PIK3R2: variants seen among roughly 807,000 people sequenced by gnomAD.
PIK3R2 encodes the protein phosphatidylinositol 3-kinase regulatory subunit beta.
PIK3R2 carries 40 observed loss-of-function variants against 78.5 expected under a neutral mutation model. That is an observed-to-expected ratio of 0.51 (90% CI 0.40 to 0.66). The LOEUF is 0.66. Among genes scored for constraint, PIK3R2 ranks in the 30% least tolerant of loss-of-function variants. The probability of loss-of-function intolerance (pLI) is 0.00; values close to 1 mark genes in which losing one functional copy is unlikely to be tolerated. For missense variants in PIK3R2, 880 were observed against 1,026.6 expected, an observed-to-expected ratio of 0.86 and a Z score of 1.95; for synonymous variants, 473 against 457.7, an observed-to-expected ratio of 1.03 and a Z score of -0.43.
chr19:18,166,877 G>A lies in PIK3R2; in HGVS notation c.1560-253G>A, dbSNP rs140123879. Among the ~76,000 whole-genome samples the A allele has an allele frequency of 2.6e-4, 39 of 152,142 alleles. No individual in the cohort carries two copies. The East Asian group carries it at 6.2e-3, about 24-fold the overall frequency. Reference sequence around the variant, plus strand: ...AGGCCGGGTGCAGTGGCTCATTCCTGCAACCCCAACACTGTGGGAGGCTGA... The same window carrying A: ...AGGCCGGGTGCAGTGGCTCATTCCTACAACCCCAACACTGTGGGAGGCTGA... On this transcript the variant is annotated intron_variant, in intron 12 of 15. Coordinates refer to ENST00000222254, the MANE Select transcript of PIK3R2 (RefSeq NM_005027.4).
chr19:18,153,864 C>A (rs1215062513), intron 1 of PIK3R2, among the ~76,000 whole-genome samples: 1 of 152,216 alleles, frequency 6.6e-6, no homozygotes. Flanking sequence ...GTTTTCTGGG[C>A]ATCCCCTCTC....
rs1020332330 is a variant in PIK3R2 at position 18,161,890 on chromosome 19, C to G, written c.816-76C>G. The G allele has an allele frequency of 1.4e-5, 17 of 1,201,460 alleles. No individual in the cohort carries two copies. The highest frequency in any genetic ancestry group is 2.1e-5 in the Non-Finnish European group (17 of 808,424). The allele number at this position is 1,201,460 out of a possible 1,614,324, so 74.4% of individuals were successfully genotyped here. On this transcript the variant is annotated intron_variant, in intron 6 of 15. Transcript: ENST00000222254. The surrounding 1 kb of genome is among the most constrained non-coding windows in gnomAD (Gnocchi z 5.3). ...TCGTATATACCCCCAGGCGTGCAAGCGCACGCACAATCCTGTGCACATGCG... is the reference window on the plus strand; with the variant it reads ...TCGTATATACCCCCAGGCGTGCAAGGGCACGCACAATCCTGTGCACATGCG...
At chr19:18,160,376 C>T in intron 2 of PIK3R2, 95 bp from the exon 3 acceptor site, 1 of 795,592 alleles carries the variant, frequency 1.3e-6, no homozygotes, top group Non-Finnish European at 2.2e-6. Flanking sequence ...GGCCCTGCCT[C>T]AAACTGCCCC....
chr19:18,160,986 A>G lies in PIK3R2; in HGVS notation c.466+17A>G, dbSNP rs199735460. The G allele has an allele frequency of 1.0e-4, 163 of 1,612,828 alleles. No homozygotes were observed. The highest frequency in any genetic ancestry group is 1.7e-4 in the Middle Eastern group (1 of 6,052). ...CGCGTACAGGTGAAGGGGAGCCTCA[A>G]TGGGGTTGGGAGGAGGCTGGGGGCC... On this transcript the variant is annotated intron_variant, in intron 4 of 15. Transcript: ENST00000222254.
chr19:18,161,240 C>T lies in PIK3R2; in HGVS notation c.599-39C>T. The T allele has an allele frequency of 6.7e-7, 1 of 1,498,650 alleles. No homozygotes were observed. Among genetic ancestry groups the T allele is most frequent in the Non-Finnish European group, 8.9e-7 (1 of 1,128,094 alleles). The allele number at this position is 1,498,650 out of a possible 1,614,324, so 92.8% of individuals were successfully genotyped here. A position where few individuals can be genotyped will look rare whatever the true frequency, so the allele number is the denominator to read the frequency against. The stretch of plus-strand genomic sequence containing the variant: ...AGGGGGCTGTAGCGGGTGGGAGGGC[C>T]CAGGCCTGGCTCACCCTGCCCTGGC... On this transcript the variant is annotated intron_variant, in intron 5 of 15. Coordinates refer to ENST00000222254, the MANE Select transcript of PIK3R2 (RefSeq NM_005027.4). The surrounding 1 kb of genome is among the most constrained non-coding windows in gnomAD (Gnocchi z 5.3).
intron 2 of PIK3R2, among the ~76,000 whole-genome samples, chr19:18,157,947 G>A (rs1243393464): frequency 6.6e-6 from 1 of 152,196 alleles, no homozygotes; most frequent in Non-Finnish European, 1.5e-5. Flanking sequence ...CTGTAGTGCT[G>A]GGAAGCCAGG....
Position 18,156,265 on chromosome 19 carries a change from T to C in PIK3R2, c.322+64T>C. 8.0e-7 allele frequency: 1 copy of C among 1,246,860 alleles called. No individual in the cohort carries two copies. Among genetic ancestry groups the C allele is most frequent in the Non-Finnish European group, 1.1e-6 (1 of 929,932 alleles). The allele number at this position is 1,246,860 out of a possible 1,614,324, so 77.2% of individuals were successfully genotyped here. A position where few individuals can be genotyped will look rare whatever the true frequency, so the allele number is the denominator to read the frequency against. On this transcript the variant is annotated intron_variant, in intron 2 of 15. Transcript: ENST00000222254. The surrounding 1 kb of genome is among the most constrained non-coding windows in gnomAD (Gnocchi z 4.2). ...CCCTCAGACCCTTGGTCTCCTCTTC[T>C]GTCCAGTGAGGCAATGGGATCTCCA... is the stretch of plus-strand genomic sequence containing the variant.
chr19:18,166,198 T>C lies in PIK3R2; in HGVS notation c.1455T>C (p.Asn485=). 1 of 1,613,726 alleles carries C rather than the reference T, an allele frequency of 6.2e-7. No individual in the cohort carries two copies. The highest frequency in any genetic ancestry group is 1.1e-5 in the South Asian group (1 of 91,072). The change falls in exon 12 of 16, where the codon AAT becomes AAC. Residue 485 remains asparagine, a synonymous_variant. Coordinates refer to ENST00000222254, the MANE Select transcript of PIK3R2 (RefSeq NM_005027.4). ...AGCGTACTGCAATTGAGGCCTTCAA[T>C]GAGACTATCAAGATCTTTGAAGAGC... The part of the protein sequence containing the change: ...QMKRTAIEAF[N]ETIKIFEEQG...
rs1381331413 is a variant in PIK3R2 at position 18,169,625 on chromosome 19, C to A, written c.*331C>A. 2 of 257,526 alleles carry A rather than the reference C, an allele frequency of 7.8e-6. No homozygotes were observed. The highest frequency in any genetic ancestry group is 5.8e-5 in the East Asian group (1 of 17,260). 16.0% of individuals were successfully genotyped at this position (257,526 alleles called of 1,614,324 possible). On this transcript the variant is annotated 3_prime_UTR_variant, in exon 16 of 16. Coordinates refer to ENST00000222254, the MANE Select transcript of PIK3R2 (RefSeq NM_005027.4). Reference sequence around the variant, plus strand: ...ACCCTCTGCCCTGCCCACCGCAGGTCCCCCGGGGTCCCGGAAGCCCCTTCT... The same window carrying A: ...ACCCTCTGCCCTGCCCACCGCAGGTACCCCGGGGTCCCGGAAGCCCCTTCT...
At position 18,165,542 on chromosome 19, in the gene PIK3R2, AAAT is replaced by A. The variant is rs551303008; in HGVS notation, c.1417-617_1417-615del. On this transcript the variant is annotated intron_variant, in intron 11 of 15. Transcript: ENST00000222254. Reference sequence around the variant, plus strand: ...AGCAAGACTCCATCTCAAACAAAAAAAATTTTGAGGTGCTGTCTCACCATGTTG... The same window carrying A: ...AGCAAGACTCCATCTCAAACAAAAAATTTGAGGTGCTGTCTCACCATGTTG... Among the ~76,000 whole-genome samples, 291 of 152,062 alleles carry A rather than the reference AAAT, an allele frequency of 1.9e-3. 1 individual carries two copies. Among genetic ancestry groups the A allele is most frequent in the Admixed American group, 3.3e-3 (50 of 15,264 alleles).
intron 1 of PIK3R2, 88 bp from the exon 2 acceptor site, chr19:18,155,369 G>A: frequency 2.8e-6 from 1 of 357,904 alleles, no homozygotes; most frequent in Non-Finnish European, 5.0e-6. Context: ...GTGATTCAGG[G>A]AATTCCAAAT....
rs1189919243 is a variant in PIK3R2 at position 18,161,217 on chromosome 19, G to C, written c.598+32G>C. ...CTGGCGGGTAGCCCGGGGGAAGGAG[G>C]GGGCTGTAGCGGGTGGGAGGGCCCA... On this transcript the variant is annotated intron_variant, in intron 5 of 15. Coordinates refer to ENST00000222254, the MANE Select transcript of PIK3R2 (RefSeq NM_005027.4). This position sits in a 1 kb window ranked among gnomAD's most constrained non-coding sequence, Gnocchi z 5.3. 6.5e-7 allele frequency: 1 copy of C among 1,530,422 alleles called. No homozygotes were observed. The highest frequency in any genetic ancestry group is 8.8e-7 in the Non-Finnish European group (1 of 1,140,018). 94.8% of individuals were successfully genotyped at this position (1,530,422 alleles called of 1,614,324 possible).
In PIK3R2 at chr19:18,161,582, C is replaced by T. The variant is rs1463800420; in HGVS notation, c.815+87C>T. 6.0e-6 allele frequency: 3 copies of T among 496,948 alleles called. No homozygotes were observed. Among genetic ancestry groups the T allele is most frequent in the African/African-American group, 6.0e-5 (3 of 49,706 alleles). The allele number at this position is 496,948 out of a possible 1,614,324, so 30.8% of individuals were successfully genotyped here. On this transcript the variant is annotated intron_variant, in intron 6 of 15. Transcript: ENST00000222254. This position sits in a 1 kb window ranked among gnomAD's most constrained non-coding sequence, Gnocchi z 5.3. The stretch of plus-strand genomic sequence containing the variant: ...ATGGCCAGAGTGAGCGGCGTCTAGA[C>T]CCTAAGAAGGGAGGGGATGGGGTCC...
chr19:18,163,639 C>A (rs192643928), intron 11 of PIK3R2, among the ~76,000 whole-genome samples: 1 of 152,200 alleles, frequency 6.6e-6, no homozygotes, highest in Non-Finnish European at 1.5e-5. Flanking sequence ...TTCTAGGCAA[C>A]ATAGGGAGAC....
chr19:18,158,338 A>G (rs2043700582), intron 2 of PIK3R2, among the ~76,000 whole-genome samples: 1 of 152,052 alleles, frequency 6.6e-6, no homozygotes, highest in African/African-American at 2.4e-5. Context: ...AAATAATACA[A>G]AAATTAGCCA....
rs978843875 is a variant in PIK3R2, at chr19:18,155,528, G to A, written c.-352G>A. On this transcript the variant is annotated 5_prime_UTR_variant, in exon 2 of 16. Coordinates refer to ENST00000222254, the MANE Select transcript of PIK3R2 (RefSeq NM_005027.4). ...GCTCCCTTGTCTGGTGCAGCCAGCA[G>A]AGCCGCCAGCCTTGGGCGCCCATGG... 2.3e-6 allele frequency: 1 copy of A among 443,896 alleles called. No individual in the cohort carries two copies. Among genetic ancestry groups the A allele is most frequent in the Admixed American group, 4.1e-5 (1 of 24,114 alleles). 27.5% of individuals were successfully genotyped at this position (443,896 alleles called of 1,614,324 possible). A position where few individuals can be genotyped will look rare whatever the true frequency, so the allele number is the denominator to read the frequency against.
rs776032664 is a variant in PIK3R2, at chr19:18,162,220, C to T, written c.920C>T (p.Pro307Leu). The T allele has an allele frequency of 1.3e-6, 2 of 1,591,318 alleles. No individual in the cohort carries two copies. The highest frequency in any genetic ancestry group is 2.2e-5 in the East Asian group (1 of 44,750). Residue 307 changes from proline to leucine, a missense_variant, in exon 8 of 16, where the codon CCC (proline) becomes CTC (leucine). Physicochemically the swap from Pro to Leu is moderately conservative, Grantham distance 98. Transcript: ENST00000222254. ...VAPPALPPKP[P>L]KAKPASTVLA... is the part of the protein sequence containing the mutation. ...CCCCCAGCGCTGCCGCCTAAACCCC[C>T]CAAGGCAAAGCCGGCCTCCACAGTC...
Position 18,169,308 on chromosome 19 carries a change from G to A in PIK3R2, c.*14G>A, listed in dbSNP as rs924766367. On this transcript the variant is annotated 3_prime_UTR_variant, in exon 16 of 16. Coordinates refer to ENST00000222254, the MANE Select transcript of PIK3R2 (RefSeq NM_005027.4). ...GCCGCCCGCTGAGCACCGAGGACCC[G>A]CCCCAAGCAGAGCCGCCCCTGGGCC... 2 of 1,406,732 alleles carry A rather than the reference G, an allele frequency of 1.4e-6. No homozygotes were observed. Among genetic ancestry groups the A allele is most frequent in the Middle Eastern group, 2.6e-4 (1 of 3,828 alleles). 87.1% of individuals were successfully genotyped at this position (1,406,732 alleles called of 1,614,324 possible). A position where few individuals can be genotyped will look rare whatever the true frequency, so the allele number is the denominator to read the frequency against.
Position 18,161,264 on chromosome 19 carries a change from G to A in PIK3R2, c.599-15G>A, listed in dbSNP as rs965362349. Reference sequence around the variant, plus strand: ...CCCAGGCCTGGCTCACCCTGCCCTGGCCATCTGTCCGCAGAGGCCGCGGGG... The same window carrying A: ...CCCAGGCCTGGCTCACCCTGCCCTGACCATCTGTCCGCAGAGGCCGCGGGG... On this transcript the variant is annotated splice_polypyrimidine_tract_variant and intron_variant, in intron 5 of 15. Transcript: ENST00000222254. This position sits in a 1 kb window ranked among gnomAD's most constrained non-coding sequence, Gnocchi z 5.3. 2.8e-6 allele frequency: 4 copies of A among 1,437,712 alleles called. No individual in the cohort carries two copies. The highest frequency in any genetic ancestry group is 1.5e-5 in the African/African-American group (1 of 67,916). The allele number at this position is 1,437,712 out of a possible 1,614,324, so 89.1% of individuals were successfully genotyped here. A position where few individuals can be genotyped will look rare whatever the true frequency, so the allele number is the denominator to read the frequency against.
Sources: gnomAD v4.1 joint callset for allele counts (sites outside exome capture counted in the v4.1 genomes callset) on GRCh38, gnomAD v4.1.1 for gene constraint, Gnocchi (gnomAD v3.1) non-coding constraint, MANE v1.5 for transcripts, NCBI Gene and HGNC (gene_info 2026-07-23, HGNC 2026-07-21) for gene names.